HS3ST2: variants seen among roughly 807,000 people sequenced by gnomAD.
HS3ST2 encodes the protein heparan sulfate-glucosamine 3-sulfotransferase 2.
In HS3ST2, 17 loss-of-function variants were observed where a neutral mutation model predicts 26.3. That is an observed-to-expected ratio of 0.65 (90% confidence interval 0.44 to 0.97). HS3ST2 has a LOEUF of 0.97. Ranked by LOEUF, HS3ST2 falls within the 50% of genes least tolerant of loss-of-function variation. The pLI is 0.00. For missense variants in HS3ST2, 402 were observed against 501.2 expected (o/e 0.80, Z 1.89); for synonymous variants, 237 against 219.2 (o/e 1.08, Z -0.72).
Position 22,841,122 on chromosome 16 carries a change from C to T in HS3ST2, c.485+26027C>T, listed in dbSNP as rs529678171. Among the ~76,000 whole-genome samples the T allele has an allele frequency of 3.3e-5, 5 of 152,136 alleles. No homozygotes were observed. In the South Asian group the frequency reaches 6.2e-4, roughly 19 times the overall value. On this transcript the variant is annotated intron_variant, in intron 1 of 1. Coordinates refer to ENST00000261374, the MANE Select transcript of HS3ST2 (RefSeq NM_006043.2). ...TGTCACCCGGGCTGGAGTGCAATGG[C>T]GCGATCTCAGCTCACTGCAACCTCT... is the stretch of plus-strand genomic sequence containing the variant.
Position 22,814,534 on chromosome 16 carries a change from G to C in HS3ST2, c.-77G>C, listed in dbSNP as rs866041702. ...TGGCAGCGCCACGCGAGCCCTCTAG[G>C]CGACCGCAGGGCCACAGCAGCTCAG... On this transcript the variant is annotated 5_prime_UTR_variant, in exon 1 of 2. Transcript: ENST00000261374. 166 of 1,410,552 alleles carry C rather than the reference G, an allele frequency of 1.2e-4. 1 individual carries two copies. The Middle Eastern group carries it at 1.6e-3, about 13-fold the overall frequency. 87.4% of individuals were successfully genotyped at this position (1,410,552 alleles called of 1,614,324 possible).
intron 1 of HS3ST2, among the ~76,000 whole-genome samples, chr16:22,822,856 G>GAAAA (rs60765964): frequency 8.9e-6 from 1 of 112,428 alleles, no homozygotes; most frequent in African/African-American, 3.0e-5. Flanking sequence ...CTCCGTCTCA[G>GAAAA]AAAAAAAAAA....
intron 1 of HS3ST2, among the ~76,000 whole-genome samples, chr16:22,877,491 G>T (rs917919997): frequency 4.6e-5 from 7 of 152,316 alleles, no homozygotes; most frequent in Non-Finnish European, 8.8e-5. Context: ...ACTTACTGCA[G>T]AGTGGAGGAT....
At chr16:22,861,754 CA>C (rs1357979638) in intron 1 of HS3ST2, among the ~76,000 whole-genome samples, 1 of 152,162 alleles carries the variant, frequency 6.6e-6, no homozygotes, top group Admixed American at 6.5e-5. Flanking sequence ...ATGGCTGCTG[CA>C]ATCCTCTGTG....
At chr16:22,913,093 T>C (rs1375680662) in intron 1 of HS3ST2, among the ~76,000 whole-genome samples, 1 of 132,834 alleles carries the variant, frequency 7.5e-6, no homozygotes, top group East Asian at 2.4e-4. Flanking sequence ...ACATGTTTAT[T>C]TAAAAAAGAA....
intron 1 of HS3ST2, among the ~76,000 whole-genome samples, chr16:22,844,569 A>G (rs1901404056): frequency 6.6e-6 from 1 of 151,996 alleles, no homozygotes; most frequent in South Asian, 2.1e-4. Context: ...TCCTCAGTGT[A>G]GGAGGAGGGG....
chr16:22,893,529 AT>A (rs1015469295), intron 1 of HS3ST2, among the ~76,000 whole-genome samples: 21 of 150,204 alleles, frequency 1.4e-4, no homozygotes, highest in African/African-American at 4.7e-4. Context: ...AGAGATGATA[AT>A]TTTTTCTTTT....
At position 22,819,128 on chromosome 16, in the gene HS3ST2, CTT is replaced by C. The variant is rs1567478695; in HGVS notation, c.485+4034_485+4035del. Among the ~76,000 whole-genome samples the C allele has an allele frequency of 3.3e-4, 17 of 51,738 alleles. 2 individuals carry two copies. The highest frequency in any genetic ancestry group is 1.3e-3 in the African/African-American group (16 of 12,674). 33.9% of individuals were successfully genotyped at this position (51,738 alleles called of 152,430 possible). A position where few individuals can be genotyped will look rare whatever the true frequency, so the allele number is the denominator to read the frequency against. On this transcript the variant is annotated intron_variant, in intron 1 of 1. Transcript: ENST00000261374. ...CCTTCCTTCCTTCCTTCCTTCCTTC[CTT>C]CATTCCTTCCTTCCTTCCTTCCTTC...
rs368076280 is a variant in HS3ST2 at position 22,871,692 on chromosome 16, G to C, written c.486-43252G>C. On this transcript the variant is annotated intron_variant, in intron 1 of 1. Coordinates refer to ENST00000261374, the MANE Select transcript of HS3ST2 (RefSeq NM_006043.2). ...GAACAGTACCTAGCACATAGTAGAT[G>C]CTCAATAAATATTTGATGAATGAAT... 2.0e-5 allele frequency among the ~76,000 whole-genome samples: 3 copies of C among 152,158 alleles called. No individual in the cohort carries two copies. In the East Asian group the frequency reaches 5.8e-4, roughly 29 times the overall value.
chr16:22,896,122 T>A (rs1375624682), intron 1 of HS3ST2, among the ~76,000 whole-genome samples: 2 of 152,212 alleles, frequency 1.3e-5, no homozygotes, highest in Non-Finnish European at 2.9e-5. Flanking sequence ...CTATCTTTTT[T>A]AAAAGCATAA....
At chr16:22,832,576 T>A (rs1901188823) in intron 1 of HS3ST2, among the ~76,000 whole-genome samples, 1 of 151,864 alleles carries the variant, frequency 6.6e-6, no homozygotes, top group South Asian at 2.1e-4. Context: ...TCCACTGTGG[T>A]CTGAGGCCAG....
chr16:22,898,613 G>T (rs1902239357), intron 1 of HS3ST2, among the ~76,000 whole-genome samples: 1 of 152,164 alleles, frequency 6.6e-6, no homozygotes, highest in Non-Finnish European at 1.5e-5. Flanking sequence ...TCATCTTGCT[G>T]GGTTTTGCAA....
At chr16:22,815,980 T>C (rs887503461) in intron 1 of HS3ST2, among the ~76,000 whole-genome samples, 1 of 152,338 alleles carries the variant, frequency 6.6e-6, no homozygotes, top group East Asian at 1.9e-4. Flanking sequence ...CAGTCATGCA[T>C]AGACTGTCTA....
At chr16:22,872,821 A>G (rs1901855674) in intron 1 of HS3ST2, among the ~76,000 whole-genome samples, 1 of 152,152 alleles carries the variant, frequency 6.6e-6, no homozygotes, top group Non-Finnish European at 1.5e-5. Flanking sequence ...CCCCACCTAG[A>G]GCCCTCATGT....
Position 22,863,824 on chromosome 16 carries a change from G to A in HS3ST2, c.485+48729G>A, listed in dbSNP as rs143971874. On this transcript the variant is annotated intron_variant, in intron 1 of 1. Coordinates refer to ENST00000261374, the MANE Select transcript of HS3ST2 (RefSeq NM_006043.2). ...TCCAGGCCGTGCAAGAAGCTCAATG[G>A]CAATTACCTGCCACCCTCTCCCTTC... Among the ~76,000 whole-genome samples the A allele has an allele frequency of 5.3e-4, 81 of 152,248 alleles. 1 individual carries two copies. In the East Asian group the frequency reaches 0.014, roughly 27 times the overall value.
chr16:22,850,173 A>G (rs1032633779), intron 1 of HS3ST2, among the ~76,000 whole-genome samples: 10 of 152,196 alleles, frequency 6.6e-5, no homozygotes, highest in Non-Finnish European at 1.3e-4. Context: ...CCCTTAATGG[A>G]AACCCCTTTC....
At position 22,814,604 on chromosome 16, in the gene HS3ST2, T is replaced by C; in HGVS notation, c.-7T>C. 1 of 1,523,596 alleles carries C rather than the reference T, an allele frequency of 6.6e-7. No homozygotes were observed. The highest frequency in any genetic ancestry group is 8.8e-7 in the Non-Finnish European group (1 of 1,138,356). The allele number at this position is 1,523,596 out of a possible 1,614,324, so 94.4% of individuals were successfully genotyped here. A position where few individuals can be genotyped will look rare whatever the true frequency, so the allele number is the denominator to read the frequency against. On this transcript the variant is annotated 5_prime_UTR_variant, in exon 1 of 2. The change abolishes an upstream ATG in the 5' untranslated region. Coordinates refer to ENST00000261374, the MANE Select transcript of HS3ST2 (RefSeq NM_006043.2). ...AACCATGACCCCCGGCGCGGGCCCATGGAGCCATGGCCTATAGGGTCCTGG... is the reference window on the plus strand; with the variant it reads ...AACCATGACCCCCGGCGCGGGCCCACGGAGCCATGGCCTATAGGGTCCTGG...
chr16:22,869,109 G>A (rs1901796843), intron 1 of HS3ST2, among the ~76,000 whole-genome samples: 2 of 151,790 alleles, frequency 1.3e-5, no homozygotes, highest in African/African-American at 4.8e-5. Flanking sequence ...TGTTGTTGTT[G>A]GAACAGCCCG....
chr16:22,892,683 A>T (rs1336930369), intron 1 of HS3ST2, among the ~76,000 whole-genome samples: 1 of 152,306 alleles, frequency 6.6e-6, no homozygotes, highest in Admixed American at 6.5e-5. Context: ...CTTTGACAGG[A>T]TAAATTATAG....
Sources: gnomAD v4.1 joint callset for allele counts (sites outside exome capture counted in the v4.1 genomes callset) on GRCh38, gnomAD v4.1.1 for gene constraint, MANE v1.5 for transcripts, NCBI Gene and HGNC (gene_info 2026-07-23, HGNC 2026-07-21) for gene names.